Variants in MSH4 observed in about 807,000 individuals in gnomAD.
MSH4 encodes the protein mutS homolog 4.
MSH4 carries 106 observed loss-of-function variants against 113.7 expected under a neutral mutation model. The observed-to-expected ratio is 0.93, with a 90% CI of 0.80 to 1.10. The LOEUF (loss-of-function observed/expected upper bound fraction) is 1.10. Among genes scored for constraint, MSH4 ranks in the 50% least tolerant of loss-of-function variants. The pLI is 0.00. For missense variants in MSH4, 1,061 were observed against 1,093.7 expected (o/e 0.97, Z 0.42); for synonymous variants, 368 against 380.2 (o/e 0.97, Z 0.37).
intron 3 of MSH4, 37 bp from the exon 4 acceptor site, chr1:75,810,660 G>T: frequency 2.1e-6 from 2 of 969,930 alleles, no homozygotes; most frequent in East Asian, 2.7e-5. Flanking sequence ...TATTTCCTAA[G>T]CTTTATTTAA....
chr1:75,797,245 G>T lies in MSH4; in HGVS notation c.244+16G>T. 1 of 1,593,828 alleles carries T rather than the reference G, an allele frequency of 6.3e-7. No homozygotes were observed. Among genetic ancestry groups the T allele is most frequent in the Non-Finnish European group, 8.5e-7 (1 of 1,170,132 alleles). On this transcript the variant is annotated intron_variant, in intron 1 of 19. Coordinates refer to ENST00000263187, the MANE Select transcript of MSH4 (RefSeq NM_002440.4). ...CCAGCTCAAGGCAAGGAGTGATTGG[G>T]TGGAGGAGTCTCCTTGAGGCTAGAG...
rs528270428 is a variant in MSH4 at position 75,879,502 on chromosome 1, T to C, written c.1677+374T>C. 1.5e-3 allele frequency among the ~76,000 whole-genome samples: 229 copies of C among 152,316 alleles called. 1 individual carries two copies. Among genetic ancestry groups the C allele is most frequent in the African/African-American group, 5.1e-3 (213 of 41,564 alleles). ...TTTAAAAATCTAATATTTCCAAACC[T>C]TTGTACCACAGGAATAATTTTTCCT... On this transcript the variant is annotated intron_variant, in intron 12 of 19. Transcript: ENST00000263187.
chr1:75,880,300 A>G, intron 13 of MSH4, 147 bp downstream of exon 13: 1 of 558,186 alleles, frequency 1.8e-6, no homozygotes, highest in East Asian at 3.2e-5. Flanking sequence ...TGTGATTAGA[A>G]TCACTGAGCC....
At chr1:75,847,062 C>T (rs1185700156) in intron 7 of MSH4, among the ~76,000 whole-genome samples, 3 of 152,094 alleles carry the variant, frequency 2.0e-5, no homozygotes, top group African/African-American at 7.2e-5. Context: ...GGTGGAAGGG[C>T]AAGAGAGCAT....
At chr1:75,845,722 G>T (rs1023451422) in intron 7 of MSH4, among the ~76,000 whole-genome samples, 1 of 152,088 alleles carries the variant, frequency 6.6e-6, no homozygotes, top group African/African-American at 2.4e-5. Context: ...AGGGTGGGGA[G>T]GTAGGGGGTG....
At position 75,889,324 on chromosome 1, in the gene MSH4, T is replaced by C; in HGVS notation, c.2181T>C (p.Asp727=). 1 of 1,532,870 alleles carries C rather than the reference T, an allele frequency of 6.5e-7. No homozygotes were observed. Among genetic ancestry groups the C allele is most frequent in the Non-Finnish European group, 8.9e-7 (1 of 1,124,860 alleles). The allele number at this position is 1,532,870 out of a possible 1,614,324, so 95.0% of individuals were successfully genotyped here. Residue 727 remains aspartate, a synonymous_variant, in exon 16 of 20, where the codon GAT becomes GAC. Coordinates refer to ENST00000263187, the MANE Select transcript of MSH4 (RefSeq NM_002440.4). ...TTTTTACAAGAATTAGTACTGATGA[T>C]GATATCGAAACAAATTCATCAACAT... ...KQIFTRISTD[D]DIETNSSTFM...
chr1:75,803,674 A>G lies in MSH4; in HGVS notation c.245-57A>G, dbSNP rs1570938157. 32 of 1,246,504 alleles carry G rather than the reference A, an allele frequency of 2.6e-5. 1 individual carries two copies. The South Asian group carries it at 5.0e-4, about 19-fold the overall frequency. The allele number at this position is 1,246,504 out of a possible 1,614,324, so 77.2% of individuals were successfully genotyped here. The stretch of plus-strand genomic sequence containing the variant: ...AACATGGTATAAATTATAATGACTA[A>G]TACATCATTGCATAATTCAAATCTT... On this transcript the variant is annotated intron_variant, in intron 1 of 19. Coordinates refer to ENST00000263187, the MANE Select transcript of MSH4 (RefSeq NM_002440.4).
intron 8 of MSH4, among the ~76,000 whole-genome samples, chr1:75,852,360 A>G (rs1651207923): frequency 6.6e-6 from 1 of 152,178 alleles, no homozygotes; most frequent in African/African-American, 2.4e-5. Context: ...AGGTTTTTCT[A>G]GGGACATACA....
chr1:75,901,528 A>G (rs564536746), intron 19 of MSH4, among the ~76,000 whole-genome samples: 2 of 152,198 alleles, frequency 1.3e-5, no homozygotes, highest in South Asian at 2.1e-4. Flanking sequence ...CATTGTGTAT[A>G]TTTACCACAT....
intron 7 of MSH4, among the ~76,000 whole-genome samples, chr1:75,836,703 A>G (rs1380148754): frequency 6.6e-6 from 1 of 152,124 alleles, no homozygotes; most frequent in Non-Finnish European, 1.5e-5. Flanking sequence ...TTATTGAATT[A>G]CTGCCTTTCT....
At chr1:75,892,078 G>T (rs766250101) in intron 17 of MSH4, among the ~76,000 whole-genome samples, 51 of 152,092 alleles carry the variant, frequency 3.4e-4, no homozygotes, top group Admixed American at 9.8e-4. Context: ...CCTAATGTGG[G>T]TGGGTCCCAC....
chr1:75,880,728 A>G (rs1651912764), intron 13 of MSH4, among the ~76,000 whole-genome samples: 1 of 151,896 alleles, frequency 6.6e-6, no homozygotes, highest in South Asian at 2.1e-4. Context: ...TCACAGTATA[A>G]CTCTGCCTTA....
At chr1:75,874,202 T>G (rs888425167) in intron 9 of MSH4, among the ~76,000 whole-genome samples, 1 of 152,216 alleles carries the variant, frequency 6.6e-6, no homozygotes, top group African/African-American at 2.4e-5. Flanking sequence ...TTCATATGTT[T>G]GTTGTCCACA....
chr1:75,903,924 G>A (rs1202932331), intron 19 of MSH4, among the ~76,000 whole-genome samples: 1 of 152,090 alleles, frequency 6.6e-6, no homozygotes, highest in Non-Finnish European at 1.5e-5. Flanking sequence ...TGGTGAAAGT[G>A]GGTGTCCCTG....
Position 75,879,026 on chromosome 1 carries a change from A to T in MSH4, c.1575A>T (p.Leu525=), listed in dbSNP as rs5745449. 1,244,716 of 1,607,884 alleles carry T rather than the reference A, an allele frequency of 0.77. 483,939 individuals carry two copies. The highest frequency in any genetic ancestry group is 0.99 in the East Asian group (44,251 of 44,754). Residue 525 remains leucine (L), a synonymous_variant, in exon 12 of 20, where the codon CTA becomes CTT. Coordinates refer to ENST00000263187, the MANE Select transcript of MSH4 (RefSeq NM_002440.4). ...MISQLGEKYS[L]PLRTSFSSAR... ...CACAACTTGGAGAAAAATATAGTCT[A>T]CCTTTAAGGACAAGTTTTAGCTCTG...
chr1:75,892,404 C>T (rs936626189), intron 17 of MSH4, among the ~76,000 whole-genome samples: 2 of 152,016 alleles, frequency 1.3e-5, no homozygotes, highest in East Asian at 1.9e-4. Flanking sequence ...CTTTCTCTCT[C>T]TCACTCTCAC....
chr1:75,878,448 T>A, intron 11 of MSH4, 130 bp downstream of exon 11: 1 of 696,518 alleles, frequency 1.4e-6, no homozygotes, highest in Non-Finnish European at 2.3e-6. Flanking sequence ...AACATAAGGT[T>A]AGCATGTAGT....
chr1:75,808,611 G>T (rs1171751691), intron 3 of MSH4, among the ~76,000 whole-genome samples: 1 of 152,100 alleles, frequency 6.6e-6, no homozygotes, highest in Non-Finnish European at 1.5e-5. Context: ...TGCTCTTTTG[G>T]GATTTTGACA....
chr1:75,858,452 T>C (rs1651374498), intron 8 of MSH4, among the ~76,000 whole-genome samples: 1 of 152,214 alleles, frequency 6.6e-6, no homozygotes, highest in South Asian at 2.1e-4. Context: ...TGATACCCAC[T>C]TTATTGAGAG....
Sources: gnomAD v4.1 joint callset for allele counts (sites outside exome capture counted in the v4.1 genomes callset) on GRCh38, gnomAD v4.1.1 for gene constraint, MANE v1.5 for transcripts, NCBI Gene and HGNC (gene_info 2026-07-23, HGNC 2026-07-21) for gene names.